SPECC1: variants seen among roughly 807,000 people sequenced by gnomAD.
The protein encoded by SPECC1 is sperm antigen with calponin homology and coiled-coil domains 1.
A neutral mutation model predicts 104.1 loss-of-function variants in SPECC1; 62 were observed. The ratio of observed to expected loss-of-function variants is 0.60; its 90% CI spans 0.49 to 0.74. The LOEUF (loss-of-function observed/expected upper bound fraction) is 0.74, where lower values mean the gene tolerates loss of function less well. SPECC1 is among the 30% of genes least tolerant of loss of function. The pLI is 0.00. For missense variants in SPECC1, 1,306 were observed against 1,310.5 expected (o/e 1.00, Z 0.05); for synonymous variants, 513 against 501.6 (o/e 1.02, Z -0.30).
intron 3 of SPECC1, among the ~76,000 whole-genome samples, chr17:20,139,796 T>C (rs1277602273): frequency 6.6e-6 from 1 of 152,192 alleles, no homozygotes; most frequent in Admixed American, 6.5e-5. Context: ...TGCCTCAGCC[T>C]ACTGAGTAGC....
chr17:20,232,265 CAT>C lies in SPECC1; in HGVS notation c.2212_2213del (p.Ile738GlnfsTer3), dbSNP rs2038634624. 6.2e-7 allele frequency: 1 copy of C among 1,614,070 alleles called. No individual in the cohort carries two copies. The highest frequency in any genetic ancestry group is 1.7e-5 in the Admixed American group (1 of 60,010). ...AGACCGCAGTGGTGGTGGCCAATGA[CAT>C]CAAGTGTGAGGCCCAGCAGGAGCTG... ...LQTAVVVAND[I>X]KCEAQQELRT... On this transcript the variant is annotated frameshift_variant, in exon 7 of 15. Coordinates refer to ENST00000395527, the MANE Select transcript of SPECC1 (RefSeq NM_001243439.2). LOFTEE classifies it high-confidence loss of function.
chr17:20,281,554 G>A (rs982169492), intron 12 of SPECC1, among the ~76,000 whole-genome samples: 2 of 152,208 alleles, frequency 1.3e-5, no homozygotes, highest in African/African-American at 2.4e-5. Context: ...GGGCTGAACC[G>A]CTAGTGAGTT....
chr17:20,266,005 A>G (rs1465362481), intron 12 of SPECC1, among the ~76,000 whole-genome samples: 1 of 152,226 alleles, frequency 6.6e-6, no homozygotes, highest in Admixed American at 6.5e-5. Context: ...AACTCAGGCA[A>G]TGCGAGTCTC....
chr17:20,117,954 A>C (rs894818893), intron 3 of SPECC1, among the ~76,000 whole-genome samples: 3 of 151,076 alleles, frequency 2.0e-5, no homozygotes, highest in African/African-American at 4.9e-5. Context: ...AAAATACAAA[A>C]ATTAGCCAAG....
intron 13 of SPECC1, among the ~76,000 whole-genome samples, chr17:20,298,948 A>AGG: frequency 2.0e-5 from 1 of 49,072 alleles, no homozygotes; most frequent in Admixed American, 2.1e-4. Flanking sequence ...AGAGAGAGAG[A>AGG]GTGTGTGTGT....
chr17:20,251,003 G>GGCAC (rs2039605123), intron 9 of SPECC1, among the ~76,000 whole-genome samples: 1 of 151,952 alleles, frequency 6.6e-6, no homozygotes, highest in Non-Finnish European at 1.5e-5. Context: ...AAGGTAGGTG[G>GGCAC]ATCACTGGAG....
intron 3 of SPECC1, among the ~76,000 whole-genome samples, chr17:20,181,174 A>G (rs973868200): frequency 3.9e-5 from 6 of 152,156 alleles, no homozygotes; most frequent in Non-Finnish European, 7.4e-5. Context: ...CTGAATCTAT[A>G]GTCAGGAAAA....
intron 3 of SPECC1, among the ~76,000 whole-genome samples, chr17:20,130,753 A>G (rs1374324812): frequency 6.6e-6 from 1 of 152,214 alleles, no homozygotes; most frequent in Non-Finnish European, 1.5e-5. Context: ...AAATATACCT[A>G]CAAAGAAATC....
intron 3 of SPECC1, among the ~76,000 whole-genome samples, chr17:20,153,966 G>C (rs912336770): frequency 1.3e-5 from 2 of 152,176 alleles, no homozygotes; most frequent in African/African-American, 4.8e-5. Context: ...ATATTTGCTT[G>C]TACATGCTCA....
chr17:20,048,921 A>G (rs1832321326), intron 1 of SPECC1, among the ~76,000 whole-genome samples: 1 of 152,054 alleles, frequency 6.6e-6, no homozygotes, highest in African/African-American at 2.4e-5. Context: ...TCCCAGACAT[A>G]TCGCTTAAAA....
At chr17:20,175,477 A>G (rs548770909) in intron 3 of SPECC1, among the ~76,000 whole-genome samples, 10 of 151,798 alleles carry the variant, frequency 6.6e-5, no homozygotes, top group Non-Finnish European at 1.3e-4. Flanking sequence ...TCAGTCCTCT[A>G]TGTCTCTTAA....
In SPECC1 at chr17:20,314,285, T is replaced by C. The variant is rs777855075; in HGVS notation, c.*220T>C. The C allele has an allele frequency of 1.7e-6, 1 of 572,732 alleles. No homozygotes were observed. The highest frequency in any genetic ancestry group is 4.8e-4 in the Middle Eastern group (1 of 2,076). 35.5% of individuals were successfully genotyped at this position (572,732 alleles called of 1,614,324 possible). A position where few individuals can be genotyped will look rare whatever the true frequency, so the allele number is the denominator to read the frequency against. ...CAGCTGGACTGTAAATTGGGGACTC[T>C]TTGATCTCTTGTGGGATGCTTCTAA... On this transcript the variant is annotated 3_prime_UTR_variant, in exon 15 of 15. Coordinates refer to ENST00000395527, the MANE Select transcript of SPECC1 (RefSeq NM_001243439.2).
chr17:20,173,928 G>GT (rs11298381), intron 3 of SPECC1, among the ~76,000 whole-genome samples: 203 of 146,560 alleles, frequency 1.4e-3, no homozygotes, highest in Admixed American at 3.9e-3. Flanking sequence ...AGTTTTTGGT[G>GT]TTTTTTTTTT....
chr17:20,197,861 C>A (rs1424789065), intron 3 of SPECC1, among the ~76,000 whole-genome samples: 1 of 152,216 alleles, frequency 6.6e-6, no homozygotes, highest in Admixed American at 6.5e-5. Context: ...ACAAAATACA[C>A]CAGCTTAAGA....
intron 1 of SPECC1, among the ~76,000 whole-genome samples, chr17:20,047,510 G>A (rs75715653): frequency 0.074 from 11,204 of 152,198 alleles, 556 homozygotes; most frequent in African/African-American, 0.14. Flanking sequence ...GTTTTCCGGT[G>A]TTATATCTTA....
chr17:20,118,442 A>G (rs1321876548), intron 3 of SPECC1, among the ~76,000 whole-genome samples: 1 of 152,230 alleles, frequency 6.6e-6, no homozygotes, highest in Non-Finnish European at 1.5e-5. Flanking sequence ...GGGCTGGTTG[A>G]ACAATGTGAT....
At chr17:20,141,413 G>A (rs886859988) in intron 3 of SPECC1, among the ~76,000 whole-genome samples, 3 of 152,096 alleles carry the variant, frequency 2.0e-5, no homozygotes, top group African/African-American at 7.2e-5. Flanking sequence ...CTTTGAATGC[G>A]AGCTCACCAG....
intron 4 of SPECC1, among the ~76,000 whole-genome samples, chr17:20,213,658 AG>A (rs1167057142): frequency 6.6e-6 from 1 of 152,106 alleles, no homozygotes; most frequent in African/African-American, 2.4e-5. Context: ...TTGAGGGGAG[AG>A]GGGGTGAGTT....
At chr17:20,268,638 G>A (rs1400024270) in intron 12 of SPECC1, among the ~76,000 whole-genome samples, 1 of 152,174 alleles carries the variant, frequency 6.6e-6, no homozygotes, top group Non-Finnish European at 1.5e-5. Context: ...CTCTATTGAG[G>A]CCTTTTCTAC....
Sources: allele counts gnomAD v4.1 joint callset (sites outside exome capture counted in the v4.1 genomes callset), GRCh38; gene constraint gnomAD v4.1.1; transcripts MANE v1.5; gene names NCBI Gene and HGNC (gene_info 2026-07-23, HGNC 2026-07-21).